Variants in ARPC1B observed in about 807,000 individuals in gnomAD.
ARPC1B encodes the protein actin-related protein 2/3 complex subunit 1B.
ARPC1B carries 29 observed loss-of-function variants against 46.0 expected under a neutral mutation model. The observed-to-expected ratio is 0.63, with a 90% CI of 0.47 to 0.86. The LOEUF (loss-of-function observed/expected upper bound fraction) is 0.86. Ranked by LOEUF, ARPC1B falls within the 40% of genes least tolerant of loss-of-function variation. ARPC1B has a pLI of 0.00. For synonymous variants in ARPC1B, 201 were observed against 213.9 expected, an observed-to-expected ratio of 0.94 and a Z score of 0.53; for missense variants, 469 against 529.4, an observed-to-expected ratio of 0.89 and a Z score of 1.12.
chr7:99,381,105 CCTG>C (rs1357483827), intron 1 of ARPC1B, among the ~76,000 whole-genome samples: 3 of 152,202 alleles, frequency 2.0e-5, no homozygotes, highest in Non-Finnish European at 4.4e-5. Flanking sequence ...CCCCATCAGA[CCTG>C]CTGACATGGC....
intron 1 of ARPC1B, among the ~76,000 whole-genome samples, chr7:99,377,126 G>A (rs1024037991): frequency 6.6e-6 from 1 of 151,918 alleles, no homozygotes; most frequent in African/African-American, 2.4e-5. Flanking sequence ...ATCCTCCTGA[G>A]TAGCTGGGAT....
In ARPC1B at chr7:99,394,437, C is replaced by T. The variant is rs4729534; in HGVS notation, c.1081-14C>T. 1.2e-6 allele frequency: 2 copies of T among 1,610,350 alleles called. No individual in the cohort carries two copies. Among genetic ancestry groups the T allele is most frequent in the Non-Finnish European group, 1.7e-6 (2 of 1,176,732 alleles). The stretch of plus-strand genomic sequence containing the variant: ...ACAGCTGAGAACCAGCCTGTCCGTT[C>T]TGCCTCCCTGCAGAGCTTGGAGTCA... On this transcript the variant is annotated splice_polypyrimidine_tract_variant and intron_variant, in intron 9 of 9. Transcript: ENST00000646101.
In ARPC1B at chr7:99,394,705, A is replaced by AAAAAAAAAT. The variant is rs1228487014; in HGVS notation, c.*223_*224insATAAAAAAA. 1 of 1,341,396 alleles carries AAAAAAAAAT rather than the reference A, an allele frequency of 7.5e-7. No homozygotes were observed. Among genetic ancestry groups the AAAAAAAAAT allele is most frequent in the Admixed American group, 3.5e-5 (1 of 28,606 alleles). The allele number at this position is 1,341,396 out of a possible 1,614,324, so 83.1% of individuals were successfully genotyped here. ...TAAATGCTTTCATTTATTGAAAAAA[A>AAAAAAAAAT]AAAAAAATGCCCCCAAAGCACTATG... On this transcript the variant is annotated 3_prime_UTR_variant, in exon 10 of 10. Coordinates refer to ENST00000646101, the MANE Select transcript of ARPC1B (RefSeq NM_005720.4).
At chr7:99,393,970 TG>T in intron 8 of ARPC1B, 58 bp from the exon 9 acceptor site, 1 of 1,570,198 alleles carries the variant, frequency 6.4e-7, no homozygotes, top group Non-Finnish European at 8.7e-7. Flanking sequence ...GTGGACAGGG[TG>T]GGCCTGAGCC....
chr7:99,394,195 TG>T, intron 9 of ARPC1B, 76 bp downstream of exon 9: 1 of 1,493,898 alleles, frequency 6.7e-7, no homozygotes, highest in Non-Finnish European at 9.2e-7. Flanking sequence ...TCCCTGGAGA[TG>T]ACCCCCATCC....
rs756574695 is a variant in ARPC1B, at chr7:99,385,685, TC to T, written c.-13-15del. On this transcript the variant is annotated splice_polypyrimidine_tract_variant and intron_variant, in intron 1 of 9. Transcript: ENST00000646101. ...GTTGGGGCTGACGTGGATTCTCTCT[TC>T]CTCTCTCGGGCACAGGAGCCAAGCC... 4 of 1,599,962 alleles carry T rather than the reference TC, an allele frequency of 2.5e-6. No individual in the cohort carries two copies. The Admixed American group carries it at 6.9e-5, about 28-fold the overall frequency.
chr7:99,390,537 C>G (rs1045089892), intron 5 of ARPC1B, among the ~76,000 whole-genome samples: 2 of 150,284 alleles, frequency 1.3e-5, no homozygotes, highest in South Asian at 4.2e-4. Context: ...CCACCATGCC[C>G]GGCTAATTTT....
chr7:99,378,774 C>CTTTTTTTTTTTTTTT (rs761084621), intron 1 of ARPC1B, among the ~76,000 whole-genome samples: 2 of 106,554 alleles, frequency 1.9e-5, no homozygotes, highest in African/African-American at 4.4e-5. Flanking sequence ...TTTTCTTTTT[C>CTTTTTTTTTTTTTTT]TTTTTTTTTT....
intron 3 of ARPC1B, among the ~76,000 whole-genome samples, chr7:99,387,709 C>T (rs1794436336): frequency 7.1e-6 from 1 of 141,546 alleles, no homozygotes; most frequent in Non-Finnish European, 1.5e-5. Context: ...TGCACTCCAG[C>T]TTGGGCGGCT....
At chr7:99,390,854 T>G in intron 5 of ARPC1B, 39 bp from the exon 6 acceptor site, 1 of 1,552,892 alleles carries the variant, frequency 6.4e-7, no homozygotes, top group South Asian at 1.2e-5. Flanking sequence ...CGCACCACCA[T>G]GCCTGGCTAC....
chr7:99,393,989 A>G, intron 8 of ARPC1B, 40 bp from the exon 9 acceptor site: 2 of 1,602,168 alleles, frequency 1.2e-6, no homozygotes, highest in Non-Finnish European at 1.7e-6. Flanking sequence ...GCCCAGCGCC[A>G]GCACAGGTTG....
At chr7:99,381,616 G>A (rs1012890563) in intron 1 of ARPC1B, among the ~76,000 whole-genome samples, 1 of 152,234 alleles carries the variant, frequency 6.6e-6, no homozygotes, top group Non-Finnish European at 1.5e-5. Flanking sequence ...GTGCATGTGT[G>A]TGTGTCCTGT....
chr7:99,387,425 CTG>C (rs1193969403), intron 3 of ARPC1B, among the ~76,000 whole-genome samples: 5 of 151,354 alleles, frequency 3.3e-5, no homozygotes, highest in Admixed American at 1.3e-4. Flanking sequence ...CAGAGCGAGA[CTG>C]TGTCGCAATA....
Position 99,389,878 on chromosome 7 carries a change from C to G in ARPC1B, c.393-27C>G, listed in dbSNP as rs79606613. The stretch of plus-strand genomic sequence containing the variant: ...GAGTCCCACCTGCCTGTCCCTCTCT[C>G]CCTGTCTGCCTGACCACCGTTCCCA... On this transcript the variant is annotated intron_variant, in intron 4 of 9. Transcript: ENST00000646101. The G allele has an allele frequency of 1.6e-5, 25 of 1,595,868 alleles. No homozygotes were observed. In the East Asian group the frequency reaches 5.1e-4, roughly 33 times the overall value.
chr7:99,376,741 G>A (rs1252269685), intron 1 of ARPC1B, among the ~76,000 whole-genome samples: 6 of 151,964 alleles, frequency 3.9e-5, no homozygotes, highest in Non-Finnish European at 1.5e-5. Flanking sequence ...GTGGTGGTGG[G>A]CACCTGTAAT....
intron 1 of ARPC1B, among the ~76,000 whole-genome samples, chr7:99,381,952 AAC>A (rs1223728493): frequency 2.0e-5 from 3 of 152,220 alleles, no homozygotes; most frequent in Non-Finnish European, 2.9e-5. Flanking sequence ...CCTGAGACCC[AAC>A]ACAAAACTGC....
Position 99,389,984 on chromosome 7 carries a change from G to A in ARPC1B, c.472G>A (p.Ala158Thr), listed in dbSNP as rs1403038949. 1.9e-6 allele frequency: 3 copies of A among 1,614,006 alleles called. No individual in the cohort carries two copies. The highest frequency in any genetic ancestry group is 2.5e-6 in the Non-Finnish European group (3 of 1,180,022). ...LDWHPNNVLL[A>T]AGSCDFKCRI... ...CTGGCACCCCAACAATGTGCTGCTG[G>A]CTGCCGGCTCCTGTGACTTCAAGTG... Residue 158 changes from alanine to threonine, a missense_variant, in exon 5 of 10, where the codon GCT (alanine) becomes ACT (threonine). Physicochemically the swap from Ala to Thr is moderately conservative, Grantham distance 58. Coordinates refer to ENST00000646101, the MANE Select transcript of ARPC1B (RefSeq NM_005720.4).
intron 1 of ARPC1B, among the ~76,000 whole-genome samples, chr7:99,378,129 G>T (rs984612834): frequency 6.6e-6 from 1 of 151,836 alleles, no homozygotes; most frequent in Admixed American, 6.6e-5. Flanking sequence ...ACGAGATCTC[G>T]GCTCACTGCA....
chr7:99,390,765 A>T (rs1794546714), intron 5 of ARPC1B, 128 bp from the exon 6 acceptor site: 1 of 733,500 alleles, frequency 1.4e-6, no homozygotes, highest in Non-Finnish European at 2.2e-6. Context: ...TAGCGCAATC[A>T]CAGCTCACTG....
Sources: gnomAD v4.1 joint callset for allele counts (sites outside exome capture counted in the v4.1 genomes callset) on GRCh38, gnomAD v4.1.1 for gene constraint, MANE v1.5 for transcripts, NCBI Gene and HGNC (gene_info 2026-07-23, HGNC 2026-07-21) for gene names.